Variants in MARCHF8 observed in about 807,000 individuals in gnomAD.
MARCHF8 encodes membrane associated ring-CH-type finger 8.
In MARCHF8, 40 loss-of-function variants were observed where a neutral mutation model predicts 51.6. That is an observed-to-expected ratio of 0.77 (90% CI 0.60 to 1.01). The LOEUF (loss-of-function observed/expected upper bound fraction) is 1.01. Ranked by LOEUF, MARCHF8 falls within the 50% of genes least tolerant of loss-of-function variation. The pLI is 0.00. For missense variants in MARCHF8, 685 were observed against 708.6 expected (o/e 0.97, Z 0.38); for synonymous variants, 263 against 280.3 (o/e 0.94, Z 0.62).
chr10:45,564,730 A>C (rs964860240), intron 1 of MARCHF8, among the ~76,000 whole-genome samples: 1 of 151,914 alleles, frequency 6.6e-6, no homozygotes, highest in Admixed American at 6.6e-5. Flanking sequence ...AAATATTGAC[A>C]GTAACTAAGA....
At chr10:45,492,354 C>G (rs1188809968) in intron 2 of MARCHF8, among the ~76,000 whole-genome samples, 2 of 151,238 alleles carry the variant, frequency 1.3e-5, no homozygotes, top group Admixed American at 6.6e-5. Context: ...CTGGAGTGCA[C>G]TGGTGCAATC....
rs1589085051 is a variant in MARCHF8 at position 45,470,683 on chromosome 10, G to C, written c.154-6356C>G. Among the ~76,000 whole-genome samples the C allele has an allele frequency of 2.6e-5, 4 of 152,276 alleles. No homozygotes were observed. In the South Asian group the frequency reaches 8.3e-4, roughly 32 times the overall value. ...TTTTTTATTTGTGCTTCCTGCTCAT[G>C]AGATTGCTAGCGGTTACTGCCCTCC... On this transcript the variant is annotated intron_variant, in intron 3 of 7. Transcript: ENST00000453424.
At chr10:45,581,102 C>T (rs1481949535) in intron 1 of MARCHF8, among the ~76,000 whole-genome samples, 4 of 152,026 alleles carry the variant, frequency 2.6e-5, no homozygotes, top group African/African-American at 4.8e-5. Flanking sequence ...GAGCGGTATT[C>T]GTAAGTCTGT....
At chr10:45,466,213 T>G (rs1842964648) in intron 3 of MARCHF8, among the ~76,000 whole-genome samples, 1 of 152,224 alleles carries the variant, frequency 6.6e-6, no homozygotes, top group Non-Finnish European at 1.5e-5. Context: ...AGGGTATCCA[T>G]GCTAAGGTCC....
chr10:45,558,442 GA>G (rs2044275583), intron 1 of MARCHF8, among the ~76,000 whole-genome samples: 1 of 152,180 alleles, frequency 6.6e-6, no homozygotes, highest in Non-Finnish European at 1.5e-5. Context: ...TTTGTTCTAA[GA>G]AGAACAATCA....
At chr10:45,484,526 CA>C (rs1299301173) in intron 3 of MARCHF8, among the ~76,000 whole-genome samples, 1 of 152,052 alleles carries the variant, frequency 6.6e-6, no homozygotes, top group Non-Finnish European at 1.5e-5. Flanking sequence ...GATTTTTTTC[CA>C]AGGGGGGACA....
chr10:45,538,509 GAC>G (rs1450679621), upstream of MARCHF8, among the ~76,000 whole-genome samples: 1 of 152,142 alleles, frequency 6.6e-6, no homozygotes, highest in Non-Finnish European at 1.5e-5. Flanking sequence ...CCAATTAAAA[GAC>G]ACAGACTGGC....
intron 1 of MARCHF8, among the ~76,000 whole-genome samples, chr10:45,583,232 T>A (rs2044575155): frequency 6.6e-6 from 1 of 152,192 alleles, no homozygotes; most frequent in Admixed American, 6.5e-5. Flanking sequence ...TAATAGATAA[T>A]GTTGTAGGCA....
At chr10:45,584,986 T>C (rs775734218) in intron 1 of MARCHF8, among the ~76,000 whole-genome samples, 1 of 151,966 alleles carries the variant, frequency 6.6e-6, no homozygotes, top group Admixed American at 6.6e-5. Context: ...AGTGTGGGAG[T>C]TGATTTATCT....
intron 2 of MARCHF8, among the ~76,000 whole-genome samples, chr10:45,509,009 ATTCT>A (rs1169514363): frequency 6.6e-6 from 1 of 152,198 alleles, no homozygotes; most frequent in Non-Finnish European, 1.5e-5. Flanking sequence ...TTGCTGTTTT[ATTCT>A]GATGTTTCCC....
At chr10:45,589,055 T>C (rs944792920) in intron 1 of MARCHF8, among the ~76,000 whole-genome samples, 1 of 147,910 alleles carries the variant, frequency 6.8e-6, no homozygotes, top group African/African-American at 2.5e-5. Context: ...TTAATCACCA[T>C]AGTTTTCCAG....
intron 3 of MARCHF8, among the ~76,000 whole-genome samples, chr10:45,468,502 A>G (rs1843045340): frequency 6.6e-6 from 1 of 152,224 alleles, no homozygotes; most frequent in African/African-American, 2.4e-5. Flanking sequence ...TTTGGGTCTC[A>G]GGCCCCTAAC....
intron 1 of MARCHF8, among the ~76,000 whole-genome samples, chr10:45,571,600 TC>T (rs1292167082): frequency 6.6e-6 from 1 of 152,048 alleles, no homozygotes; most frequent in East Asian, 1.9e-4. Context: ...TCGGCGGACC[TC>T]CCTTGGGAGA....
At chr10:45,592,719 G>C (rs35626777) in intron 1 of MARCHF8, among the ~76,000 whole-genome samples, 7,429 of 152,190 alleles carry the variant, frequency 0.049, 255 homozygotes, top group Non-Finnish European at 0.066. Context: ...TTGGCTGCTT[G>C]AATCAATTCA....
At chr10:45,478,729 A>G (rs1199734592) in intron 3 of MARCHF8, among the ~76,000 whole-genome samples, 1 of 152,188 alleles carries the variant, frequency 6.6e-6, no homozygotes, top group Non-Finnish European at 1.5e-5. Context: ...AGATCATCAG[A>G]GACTATTACG....
chr10:45,525,534 C>T (rs2043777280), intron 2 of MARCHF8, among the ~76,000 whole-genome samples: 1 of 152,166 alleles, frequency 6.6e-6, no homozygotes, highest in South Asian at 2.1e-4. Flanking sequence ...AAAGACTCCA[C>T]CTTCAAGGAG....
intron 1 of MARCHF8, among the ~76,000 whole-genome samples, chr10:45,567,591 G>A (rs2044379390): frequency 6.6e-6 from 1 of 152,118 alleles, no homozygotes; most frequent in African/African-American, 2.4e-5. Context: ...CACTGTACGT[G>A]TGTGGATTTA....
At chr10:45,523,261 C>A (rs1177937397) in intron 2 of MARCHF8, among the ~76,000 whole-genome samples, 1 of 152,216 alleles carries the variant, frequency 6.6e-6, no homozygotes, top group Non-Finnish European at 1.5e-5. Context: ...TAGGGTGGCT[C>A]ACACCTATAA....
chr10:45,538,425 C>T (rs1000578891), upstream of MARCHF8, among the ~76,000 whole-genome samples: 6 of 152,146 alleles, frequency 3.9e-5, no homozygotes, highest in East Asian at 9.6e-4. Flanking sequence ...GCAAAATAAC[C>T]AGCTAACATC....
Sources: gnomAD v4.1 joint callset for allele counts (sites outside exome capture counted in the v4.1 genomes callset) on GRCh38, gnomAD v4.1.1 for gene constraint, MANE v1.5 for transcripts, NCBI Gene and HGNC (gene_info 2026-07-23, HGNC 2026-07-21) for gene names.